Variants in CPQ observed in about 807,000 individuals in gnomAD.
The protein encoded by CPQ is carboxypeptidase Q, also known as Ser-Met dipeptidase.
A neutral mutation model predicts 45.7 loss-of-function variants in CPQ; 37 were observed. The observed-to-expected ratio is 0.81, with a 90% CI of 0.62 to 1.07. The LOEUF is 1.07. Ranked by LOEUF, CPQ falls within the 50% of genes least tolerant of loss-of-function variation. CPQ has a pLI of 0.00. For missense variants in CPQ, 537 were observed against 572.9 expected (o/e 0.94, Z 0.64); for synonymous variants, 186 against 205.8 (o/e 0.90, Z 0.82).
chr8:96,723,279 A>G (rs929556718), intron 1 of CPQ, among the ~76,000 whole-genome samples: 2 of 152,192 alleles, frequency 1.3e-5, no homozygotes, highest in Non-Finnish European at 1.5e-5. Context: ...CTAAGAATAT[A>G]TCAATTAAGC....
Position 96,879,987 on chromosome 8 carries a change from G to A in CPQ, c.831G>A (p.Gly277=), listed in dbSNP as rs1461511619. The change falls in exon 4 of 8, where the codon GGG becomes GGA. Residue 277 remains glycine, a synonymous_variant. Coordinates refer to ENST00000220763, the MANE Select transcript of CPQ (RefSeq NM_016134.4). The part of the protein sequence containing the change: ...DSFNTVAEIT[G]SKYPEQVVLV... ...TCAACACTGTAGCAGAGATCACTGG[G>A]AGCAAATATCCAGAACAGGTGAGTG... 1.9e-6 allele frequency: 3 copies of A among 1,613,838 alleles called. No homozygotes were observed. The highest frequency in any genetic ancestry group is 1.7e-5 in the Admixed American group (1 of 59,992).
At chr8:97,005,953 C>T (rs544667833) in intron 5 of CPQ, among the ~76,000 whole-genome samples, 6 of 152,240 alleles carry the variant, frequency 3.9e-5, no homozygotes, top group African/African-American at 1.4e-4. Context: ...TTATATGCTC[C>T]ATAAAATTCA....
intron 4 of CPQ, among the ~76,000 whole-genome samples, chr8:96,909,243 C>A (rs181823525): frequency 6.6e-6 from 1 of 151,614 alleles, no homozygotes; most frequent in Admixed American, 6.6e-5. Context: ...CATATGCAAC[C>A]GCTGGCATTC....
At chr8:96,757,038 G>A (rs1810334941) in intron 1 of CPQ, among the ~76,000 whole-genome samples, 1 of 151,898 alleles carries the variant, frequency 6.6e-6, no homozygotes, top group Non-Finnish European at 1.5e-5. Context: ...GTTTTGGTAG[G>A]TACAGAATTC....
At chr8:96,940,787 T>C (rs997061482) in intron 4 of CPQ, among the ~76,000 whole-genome samples, 1 of 152,208 alleles carries the variant, frequency 6.6e-6, no homozygotes, top group African/African-American at 2.4e-5. Flanking sequence ...TAGCCCATCT[T>C]TTATTACTGG....
At chr8:97,063,561 AT>A (rs953249032) in intron 6 of CPQ, among the ~76,000 whole-genome samples, 5 of 152,096 alleles carry the variant, frequency 3.3e-5, no homozygotes, top group Non-Finnish European at 7.4e-5. Context: ...TATGTCCAGA[AT>A]GGTATGCCTA....
intron 4 of CPQ, among the ~76,000 whole-genome samples, chr8:96,917,692 C>G (rs897531676): frequency 6.6e-6 from 1 of 152,056 alleles, no homozygotes; most frequent in Non-Finnish European, 1.5e-5. Context: ...TGTATACTAA[C>G]CCATCTGTAT....
chr8:97,029,134 A>G (rs1809850608), intron 5 of CPQ, among the ~76,000 whole-genome samples: 1 of 152,150 alleles, frequency 6.6e-6, no homozygotes, highest in Non-Finnish European at 1.5e-5. Context: ...GCAGGATATC[A>G]AGTTAAGGAT....
rs1810319973 is a variant in CPQ at position 96,755,826 on chromosome 8, A to G, written c.-34-29038A>G. Among the ~76,000 whole-genome samples the G allele has an allele frequency of 2.0e-5, 3 of 152,146 alleles. No homozygotes were observed. The South Asian group carries it at 6.2e-4, about 32-fold the overall frequency. ...TAAATTATGATTATGATAAATTATG[A>G]TGCTATGAGAATAAACACAAGCATA... On this transcript the variant is annotated intron_variant, in intron 1 of 7. Transcript: ENST00000220763.
chr8:96,833,241 A>G (rs1388435602), intron 2 of CPQ, among the ~76,000 whole-genome samples: 1 of 152,110 alleles, frequency 6.6e-6, no homozygotes, highest in Non-Finnish European at 1.5e-5. Flanking sequence ...TGCATTGGCA[A>G]CTGTGGTGTC....
chr8:96,800,293 A>T (rs1810989047), intron 2 of CPQ, among the ~76,000 whole-genome samples: 2 of 152,330 alleles, frequency 1.3e-5, no homozygotes, highest in South Asian at 2.1e-4. Context: ...TGCAAATTTT[A>T]AAAACAATGA....
intron 5 of CPQ, among the ~76,000 whole-genome samples, chr8:96,990,486 C>G (rs1412443087): frequency 6.6e-6 from 1 of 152,160 alleles, no homozygotes; most frequent in Non-Finnish European, 1.5e-5. Context: ...GAAGTTTGAG[C>G]TTTTGGGAGG....
chr8:97,020,503 G>A (rs1809660484), intron 5 of CPQ, among the ~76,000 whole-genome samples: 1 of 151,978 alleles, frequency 6.6e-6, no homozygotes, highest in Non-Finnish European at 1.5e-5. Flanking sequence ...AAAGAAGAGA[G>A]AAAAGCAACA....
intron 1 of CPQ, among the ~76,000 whole-genome samples, chr8:96,720,707 C>T (rs776043094): frequency 2.0e-5 from 3 of 151,978 alleles, no homozygotes; most frequent in Non-Finnish European, 4.4e-5. Flanking sequence ...TTTGCTCCCC[C>T]CTCCTCCATG....
intron 4 of CPQ, among the ~76,000 whole-genome samples, chr8:96,894,419 T>G (rs1228410801): frequency 6.6e-6 from 1 of 152,160 alleles, no homozygotes; most frequent in Non-Finnish European, 1.5e-5. Flanking sequence ...GTGACAAATA[T>G]GAGTAGGAAC....
chr8:96,804,593 A>G (rs893711125), intron 2 of CPQ, among the ~76,000 whole-genome samples: 3 of 152,062 alleles, frequency 2.0e-5, no homozygotes, highest in Admixed American at 6.6e-5. Flanking sequence ...TAAAAAATCT[A>G]ATAAACCAAA....
At chr8:96,756,489 G>A (rs1810328293) in intron 1 of CPQ, among the ~76,000 whole-genome samples, 1 of 152,028 alleles carries the variant, frequency 6.6e-6, no homozygotes, top group Non-Finnish European at 1.5e-5. Flanking sequence ...TAATATAATA[G>A]TTATATAAAT....
intron 1 of CPQ, among the ~76,000 whole-genome samples, chr8:96,744,147 C>G (rs1439291635): frequency 3.3e-5 from 5 of 152,268 alleles, no homozygotes; most frequent in African/African-American, 4.8e-5. Flanking sequence ...GTGTAGGACC[C>G]TCTGAGCCAG....
In CPQ at chr8:96,888,353, G is replaced by A. The variant is rs574151630; in HGVS notation, c.849+8348G>A. 3.9e-5 allele frequency among the ~76,000 whole-genome samples: 6 copies of A among 152,212 alleles called. No homozygotes were observed. In the South Asian group the frequency reaches 1.2e-3, roughly 32 times the overall value. On this transcript the variant is annotated intron_variant, in intron 4 of 7. Transcript: ENST00000220763. ...TGGCTTAATCCTTCATCTATAGAAGGAGGAACTTTGTCTGAAAAAGCTTGA... is the reference window on the plus strand; with the variant it reads ...TGGCTTAATCCTTCATCTATAGAAGAAGGAACTTTGTCTGAAAAAGCTTGA...
Sources: gnomAD v4.1 joint callset for allele counts (sites outside exome capture counted in the v4.1 genomes callset) on GRCh38, gnomAD v4.1.1 for gene constraint, MANE v1.5 for transcripts, NCBI Gene and HGNC (gene_info 2026-07-23, HGNC 2026-07-21) for gene names.